Variants in BTBD2 observed in about 807,000 individuals in gnomAD.
BTBD2 encodes the protein BTB domain containing 2, also known as BTB/POZ domain-containing protein 2.
Under a neutral mutation model 44.0 loss-of-function variants are expected in BTBD2, and 15 were observed. The observed-to-expected ratio is 0.34, with a 90% CI of 0.23 to 0.53. The LOEUF is 0.53. Among genes scored for constraint, BTBD2 ranks in the 20% least tolerant of loss-of-function variants. The probability of loss-of-function intolerance (pLI) is 0.95; values close to 1 mark genes in which losing one functional copy is unlikely to be tolerated. For synonymous variants in BTBD2, 443 were observed against 335.9 expected, an observed-to-expected ratio of 1.32 and a Z score of -3.49; for missense variants, 657 against 746.4, an observed-to-expected ratio of 0.88 and a Z score of 1.39.
intron 1 of BTBD2, among the ~76,000 whole-genome samples, chr19:2,004,181 C>CT (rs1215870804): frequency 1.3e-5 from 2 of 151,928 alleles, no homozygotes; most frequent in Non-Finnish European, 2.9e-5. Flanking sequence ...TCTCATGTCC[C>CT]CTAACATGTA....
chr19:1,996,021 C>T (rs960917906), intron 2 of BTBD2, among the ~76,000 whole-genome samples: 4 of 152,088 alleles, frequency 2.6e-5, no homozygotes, highest in Non-Finnish European at 5.9e-5. Context: ...CATTCTTCTG[C>T]ATGTGTATTT....
chr19:2,013,610 G>A (rs1213400454), intron 1 of BTBD2: 13 of 989,104 alleles, frequency 1.3e-5, no homozygotes, highest in Non-Finnish European at 1.6e-5. Context: ...GGTCACTGAA[G>A]TGGGAGGTGG....
At position 1,986,919 on chromosome 19, in the gene BTBD2, C is replaced by A; in HGVS notation, c.1327G>T (p.Asp443Tyr). 1 of 1,613,322 alleles carries A rather than the reference C, an allele frequency of 6.2e-7. No individual in the cohort carries two copies. The change falls in exon 8 of 9, where the codon GAC becomes TAC. Residue 443 changes from aspartate to tyrosine, a missense_variant. By Grantham distance (160) the Asp-to-Tyr change is radical. Coordinates refer to ENST00000255608, the MANE Select transcript of BTBD2 (RefSeq NM_017797.4). ...ACGCGGAAGGTGCTGGCTGAGCCGT[C>A]GCAGCTGAAGCCCGTGTCGTTCTGG... ...LGQNDTGFSC[D>Y]GSASTFRVMF...
chr19:2,005,623 A>G lies in BTBD2; in HGVS notation c.408-8160T>C, dbSNP rs116451051. Among the ~76,000 whole-genome samples the G allele has an allele frequency of 4.3e-3, 655 of 152,090 alleles. 5 individuals carry two copies. Among genetic ancestry groups the G allele is most frequent in the African/African-American group, 0.015 (616 of 41,490 alleles). Reference sequence around the variant, plus strand: ...AGGATGAAACGCCATCTCTCCTAAAAATACAAAACGTAGTCAGGTGCAGTG... The same window carrying G: ...AGGATGAAACGCCATCTCTCCTAAAGATACAAAACGTAGTCAGGTGCAGTG... On this transcript the variant is annotated intron_variant, in intron 1 of 8. Coordinates refer to ENST00000255608, the MANE Select transcript of BTBD2 (RefSeq NM_017797.4).
chr19:1,998,575 G>A (rs1212028998), intron 1 of BTBD2, among the ~76,000 whole-genome samples: 1 of 152,216 alleles, frequency 6.6e-6, no homozygotes, highest in Non-Finnish European at 1.5e-5. Flanking sequence ...CAGGCAGGAG[G>A]GTGCGGTGAG....
chr19:1,990,644 C>A, intron 4 of BTBD2, 73 bp downstream of exon 4: 2 of 1,382,586 alleles, frequency 1.4e-6, no homozygotes, highest in South Asian at 2.5e-5. Context: ...GCCCAAAGCT[C>A]CCACTGTCAA....
chr19:1,993,292 AC>A, intron 2 of BTBD2, 116 bp from the exon 3 acceptor site: 1 of 1,374,808 alleles, frequency 7.3e-7, no homozygotes, highest in African/African-American at 1.5e-5. Flanking sequence ...AGCTGGCAGG[AC>A]CCAAACACCC....
chr19:1,991,239 T>C (rs2016173415), intron 3 of BTBD2: 2 of 174,672 alleles, frequency 1.1e-5, no homozygotes, highest in Non-Finnish European at 1.2e-5. Context: ...TGGCCACTTG[T>C]GGTGGGAGGG....
At chr19:2,012,821 G>A (rs573782717) in intron 1 of BTBD2, among the ~76,000 whole-genome samples, 23 of 152,244 alleles carry the variant, frequency 1.5e-4, no homozygotes, top group African/African-American at 4.8e-4. Context: ...AAGTGCAATC[G>A]CATACATGTC....
intron 1 of BTBD2, among the ~76,000 whole-genome samples, chr19:2,005,508 G>A (rs191319850): frequency 2.6e-5 from 4 of 152,170 alleles, no homozygotes; most frequent in Admixed American, 1.3e-4. Flanking sequence ...TTAGCCAGGC[G>A]CAGTGGCTCA....
intron 1 of BTBD2, among the ~76,000 whole-genome samples, chr19:2,011,545 CAG>C (rs1455557911): frequency 6.6e-6 from 1 of 152,168 alleles, no homozygotes; most frequent in Admixed American, 6.6e-5. Context: ...ATCACTTGCT[CAG>C]GGGGTCGTTC....
intron 1 of BTBD2, among the ~76,000 whole-genome samples, chr19:1,999,682 C>T (rs1249325023): frequency 1.3e-5 from 2 of 151,268 alleles, no homozygotes; most frequent in Middle Eastern, 3.5e-3. Flanking sequence ...AAAAAAAGGC[C>T]AGGTGCAGTG....
At chr19:1,999,742 CCT>C (rs1489153815) in intron 1 of BTBD2, among the ~76,000 whole-genome samples, 4 of 151,470 alleles carry the variant, frequency 2.6e-5, no homozygotes, top group Admixed American at 2.6e-4. Context: ...AGGCAAATCA[CCT>C]GGGGTCAGGA....
intron 5 of BTBD2, chr19:1,988,095 A>AC (rs1048824377): frequency 7.3e-5 from 13 of 177,792 alleles, no homozygotes; most frequent in African/African-American, 9.6e-5. Context: ...CTAGGCCTGT[A>AC]CCCCCCAGGC....
chr19:1,999,886 C>T (rs1413728186), intron 1 of BTBD2, among the ~76,000 whole-genome samples: 6 of 150,882 alleles, frequency 4.0e-5, no homozygotes, highest in Admixed American at 2.0e-4. Context: ...TGCTTGAACC[C>T]GGGAGGCGGA....
chr19:2,003,752 C>T (rs1376589121), intron 1 of BTBD2, among the ~76,000 whole-genome samples: 1 of 115,338 alleles, frequency 8.7e-6, no homozygotes, highest in East Asian at 2.3e-4. Flanking sequence ...GCCTGGGCAA[C>T]AAAAACGAAA....
chr19:2,006,286 C>G (rs7248930), intron 1 of BTBD2, among the ~76,000 whole-genome samples: 81,353 of 151,800 alleles, frequency 0.54, 23,863 homozygotes, highest in African/African-American at 0.78. Context: ...AACCATCCCG[C>G]TTACTACAGG....
At chr19:1,993,863 G>A (rs1171215219) in intron 2 of BTBD2, among the ~76,000 whole-genome samples, 1 of 151,734 alleles carries the variant, frequency 6.6e-6, no homozygotes, top group Non-Finnish European at 1.5e-5. Flanking sequence ...TGGGCGTGGT[G>A]GTGGGCGCCT....
rs367940142 is a variant in BTBD2, at chr19:1,993,196, G to A, written c.528-20C>T. 5.7e-5 allele frequency: 90 copies of A among 1,584,656 alleles called. No individual in the cohort carries two copies. Among genetic ancestry groups the A allele is most frequent in the Non-Finnish European group, 7.3e-5 (86 of 1,172,206 alleles). Reference sequence around the variant, plus strand: ...AGAAACCTGCAGAAGCAACGCGGGTGGCCGTGAGGTGGGACCGCCATGCCC... The same window carrying A: ...AGAAACCTGCAGAAGCAACGCGGGTAGCCGTGAGGTGGGACCGCCATGCCC... On this transcript the variant is annotated intron_variant, in intron 2 of 8. Transcript: ENST00000255608.
Sources: allele counts gnomAD v4.1 joint callset (sites outside exome capture counted in the v4.1 genomes callset), GRCh38; gene constraint gnomAD v4.1.1; transcripts MANE v1.5; gene names NCBI Gene and HGNC (gene_info 2026-07-23, HGNC 2026-07-21).